Variants in PATJ observed in about 807,000 individuals in gnomAD.
The protein encoded by PATJ is inaD-like protein.
Under a neutral mutation model 224.9 loss-of-function variants are expected in PATJ, and 190 were observed. The observed-to-expected ratio is 0.84, with a 90% confidence interval of 0.75 to 0.95. The LOEUF (loss-of-function observed/expected upper bound fraction) is 0.95, where lower values mean the gene tolerates loss of function less well. Ranked by LOEUF, PATJ falls within the 40% of genes least tolerant of loss-of-function variation. PATJ has a pLI of 0.00. For synonymous variants in PATJ, 769 were observed against 820.3 expected (o/e 0.94, Z 1.07); for missense variants, 2,121 against 2,270.3 (o/e 0.93, Z 1.34).
chr1:62,003,878 C>T (rs1415842278), intron 28 of PATJ, among the ~76,000 whole-genome samples: 2 of 152,178 alleles, frequency 1.3e-5, no homozygotes, highest in Non-Finnish European at 2.9e-5. Flanking sequence ...CCTCTATTAT[C>T]TCTGTCAGTC....
intron 38 of PATJ, 125 bp from the exon 39 acceptor site, chr1:62,122,896 C>T (rs926382949): frequency 2.0e-6 from 1 of 510,694 alleles, no homozygotes; most frequent in Non-Finnish European, 3.3e-6. Flanking sequence ...GGGTACAATA[C>T]CTGCTTGCTT....
intron 15 of PATJ, among the ~76,000 whole-genome samples, chr1:61,824,554 T>C (rs933983369): frequency 6.6e-6 from 1 of 151,368 alleles, no homozygotes; most frequent in Non-Finnish European, 1.5e-5. Context: ...ACCTCCCGAG[T>C]AGCTAGGACC....
chr1:61,910,181 T>G (rs192240361), intron 25 of PATJ, among the ~76,000 whole-genome samples: 3 of 152,208 alleles, frequency 2.0e-5, no homozygotes, highest in African/African-American at 2.4e-5. Flanking sequence ...TAATTTTGAA[T>G]GAGAATGAGC....
chr1:61,886,909 A>G (rs551687703), intron 22 of PATJ, among the ~76,000 whole-genome samples: 1 of 151,104 alleles, frequency 6.6e-6, no homozygotes, highest in South Asian at 2.1e-4. Flanking sequence ...TAAGGCTGGA[A>G]GGTTGATGCA....
chr1:61,976,127 T>C (rs1245265384), intron 27 of PATJ, among the ~76,000 whole-genome samples: 1 of 151,980 alleles, frequency 6.6e-6, no homozygotes, highest in Non-Finnish European at 1.5e-5. Context: ...GTGTTCCATG[T>C]CTCGCCTTAA....
chr1:61,961,644 G>A (rs1323396191), intron 27 of PATJ, among the ~76,000 whole-genome samples: 1 of 152,166 alleles, frequency 6.6e-6, no homozygotes, highest in Non-Finnish European at 1.5e-5. Context: ...AGCAAAAGAT[G>A]TGGAAAAATG....
At chr1:61,957,312 G>A (rs1000969339) in intron 27 of PATJ, among the ~76,000 whole-genome samples, 6 of 152,058 alleles carry the variant, frequency 3.9e-5, no homozygotes, top group African/African-American at 1.2e-4. Flanking sequence ...GGGCTGCATG[G>A]TACAATGATA....
chr1:62,028,269 T>A (rs1315288836), intron 29 of PATJ, among the ~76,000 whole-genome samples: 1 of 152,164 alleles, frequency 6.6e-6, no homozygotes, highest in Non-Finnish European at 1.5e-5. Flanking sequence ...ACAGGCATGA[T>A]CATAGCACAG....
intron 17 of PATJ, among the ~76,000 whole-genome samples, chr1:61,851,767 C>T (rs936723680): frequency 6.6e-6 from 1 of 151,698 alleles, no homozygotes; most frequent in Non-Finnish European, 1.5e-5. Context: ...TCAGAAGTAA[C>T]GAGAAGCTGA....
At chr1:62,122,173 T>G (rs983070206) in intron 38 of PATJ, among the ~76,000 whole-genome samples, 8 of 151,668 alleles carry the variant, frequency 5.3e-5, no homozygotes, top group Non-Finnish European at 2.9e-5. Context: ...GAGAGCAGCC[T>G]GGCCAACATG....
At chr1:62,094,558 AAC>A (rs58104906) in intron 33 of PATJ, among the ~76,000 whole-genome samples, 21,956 of 131,898 alleles carry the variant, frequency 0.17, 1,713 homozygotes, top group Middle Eastern at 0.21. Context: ...ATTCTGTCTC[AAC>A]ACACACACAC....
At position 61,796,658 on chromosome 1, in the gene PATJ, T is replaced by TTTTC. The variant is rs202216894; in HGVS notation, c.1261-565_1261-562dup. Among the ~76,000 whole-genome samples, 960 of 103,604 alleles carry TTTTC rather than the reference T, an allele frequency of 9.3e-3. 25 individuals are homozygous for TTTTC. Among genetic ancestry groups the TTTTC allele is most frequent in the African/African-American group, 0.026 (805 of 30,920 alleles). The allele number at this position is 103,604 out of a possible 152,430, so 68.0% of individuals were successfully genotyped here. On this transcript the variant is annotated intron_variant, in intron 10 of 43. Transcript: ENST00000642238. Reference sequence around the variant, plus strand: ...AAATATATCCTAAGGTCTAAATTTATTTTCTTTCTTTCTTTCTTTCTTTCT... The same window carrying TTTTC: ...AAATATATCCTAAGGTCTAAATTTATTTTCTTTCTTTCTTTCTTTCTTTCTTTCT...
intron 42 of PATJ, among the ~76,000 whole-genome samples, chr1:62,150,674 C>T (rs1157963031): frequency 2.4e-5 from 2 of 82,322 alleles, no homozygotes; most frequent in Non-Finnish European, 4.4e-5. Flanking sequence ...AAGACCCTGT[C>T]TCAAGAAAAA....
chr1:62,066,553 G>A (rs548044374), intron 31 of PATJ, among the ~76,000 whole-genome samples: 29 of 152,146 alleles, frequency 1.9e-4, no homozygotes, highest in African/African-American at 6.3e-4. Context: ...CTGGCCTGTG[G>A]GAACTTTGCT....
Position 61,852,318 on chromosome 1 carries a change from A to G in PATJ, c.2113-3712A>G, listed in dbSNP as rs530880822. Among the ~76,000 whole-genome samples, 185 of 152,154 alleles carry G rather than the reference A, an allele frequency of 1.2e-3. 9 individuals carry two copies. The South Asian group carries it at 0.037, about 31-fold the overall frequency. ...CTATGATTGGTCTCTGGTGCCCTCT[A>G]TTGGCTATTTAGTCTAAAGCGGCAT... is the stretch of plus-strand genomic sequence containing the variant. On this transcript the variant is annotated intron_variant, in intron 17 of 43. Transcript: ENST00000642238.
rs183787238 is a variant in PATJ at position 61,877,868 on chromosome 1, C to A, written c.2959+2502C>A. ...TCTAACCTCTGTACCCCTGTTATGA[C>A]CATTACCTGATTACAGAGGCCCTAC... On this transcript the variant is annotated intron_variant, in intron 21 of 43. Coordinates refer to ENST00000642238, the MANE Select transcript of PATJ (RefSeq NM_001350145.3). Among the ~76,000 whole-genome samples, 88 of 152,272 alleles carry A rather than the reference C, an allele frequency of 5.8e-4. 1 individual carries two copies. Among genetic ancestry groups the A allele is most frequent in the African/African-American group, 2.0e-3 (85 of 41,562 alleles).
intron 42 of PATJ, among the ~76,000 whole-genome samples, chr1:62,150,679 G>GA (rs56167585): frequency 0.071 from 5,791 of 81,910 alleles, 249 homozygotes; most frequent in Non-Finnish European, 0.077. Flanking sequence ...CCTGTCTCAA[G>GA]AAAAAAAAAA....
chr1:61,786,771 CA>C (rs1209319129), intron 7 of PATJ, among the ~76,000 whole-genome samples: 1 of 152,042 alleles, frequency 6.6e-6, no homozygotes, highest in Non-Finnish European at 1.5e-5. Context: ...GCGGGTGGAT[CA>C]AGAGGTCAGG....
At chr1:61,809,369 G>C (rs779842050) in intron 14 of PATJ, among the ~76,000 whole-genome samples, 3 of 151,108 alleles carry the variant, frequency 2.0e-5, no homozygotes, top group Middle Eastern at 6.9e-3. Context: ...GTCACATGCA[G>C]TTTTAAGAAT....
Sources: gnomAD v4.1 joint callset for allele counts (sites outside exome capture counted in the v4.1 genomes callset) on GRCh38, gnomAD v4.1.1 for gene constraint, MANE v1.5 for transcripts, NCBI Gene and HGNC (gene_info 2026-07-23, HGNC 2026-07-21) for gene names.